GLP2R: variants seen among roughly 807,000 people sequenced by gnomAD.
GLP2R encodes the protein glucagon like peptide 2 receptor.
A neutral mutation model predicts 68.2 loss-of-function variants in GLP2R; 59 were observed. That is an observed-to-expected ratio of 0.87 (90% CI 0.70 to 1.07). The LOEUF is 1.07. GLP2R is among the 50% of genes least tolerant of loss of function. The pLI is 0.00. For synonymous variants in GLP2R, 270 were observed against 265.4 expected, an observed-to-expected ratio of 1.02 and a Z score of -0.17; for missense variants, 548 against 677.4, an observed-to-expected ratio of 0.81 and a Z score of 2.12.
At chr17:9,872,617 C>G (rs928462005) in intron 10 of GLP2R, among the ~76,000 whole-genome samples, 1 of 152,114 alleles carries the variant, frequency 6.6e-6, no homozygotes, top group African/African-American at 2.4e-5. Context: ...CGATGTAGAC[C>G]CTGCATTTGA....
intron 1 of GLP2R, among the ~76,000 whole-genome samples, chr17:9,832,874 G>A (rs1462674959): frequency 6.6e-6 from 1 of 152,186 alleles, no homozygotes; most frequent in Non-Finnish European, 1.5e-5. Context: ...AATAGTCAAC[G>A]TTAGAAAGGA....
intron 1 of GLP2R, 149 bp from the exon 2 acceptor site, chr17:9,833,658 A>G (rs1641267782): frequency 1.7e-6 from 1 of 597,252 alleles, no homozygotes; most frequent in African/African-American, 1.9e-5. Flanking sequence ...CTCTTAAGAT[A>G]GAACATAAGA....
At chr17:9,851,805 G>C (rs1472057846) in intron 4 of GLP2R, among the ~76,000 whole-genome samples, 2 of 151,694 alleles carry the variant, frequency 1.3e-5, no homozygotes, top group East Asian at 3.9e-4. Context: ...GTTCTAAAAA[G>C]AGAAATAAAT....
At chr17:9,844,594 A>T (rs1245498262) in intron 4 of GLP2R, among the ~76,000 whole-genome samples, 1 of 149,648 alleles carries the variant, frequency 6.7e-6, no homozygotes, top group Non-Finnish European at 1.5e-5. Context: ...GAGGAGACTT[A>T]AAAATGCCCC....
intron 1 of GLP2R, among the ~76,000 whole-genome samples, chr17:9,831,289 G>A (rs753996197): frequency 1.3e-5 from 2 of 152,072 alleles, no homozygotes; most frequent in African/African-American, 2.4e-5. Flanking sequence ...CTCATCCTCC[G>A]TCTCACAAGT....
chr17:9,872,899 G>A (rs537420342), intron 10 of GLP2R, among the ~76,000 whole-genome samples: 1 of 152,316 alleles, frequency 6.6e-6, no homozygotes, highest in East Asian at 1.9e-4. Flanking sequence ...AAACATACCC[G>A]GTTCAATAAT....
At chr17:9,876,621 C>T (rs112306666) in intron 10 of GLP2R, among the ~76,000 whole-genome samples, 5,229 of 152,250 alleles carry the variant, frequency 0.034, 144 homozygotes, top group South Asian at 0.087. Context: ...TCAGAAAATC[C>T]TTCCTAGGTT....
intron 9 of GLP2R, among the ~76,000 whole-genome samples, chr17:9,864,959 A>G (rs572852466): frequency 6.6e-6 from 1 of 152,294 alleles, no homozygotes; most frequent in Non-Finnish European, 1.5e-5. Context: ...ACAAGAGAAC[A>G]TGCTCTATCT....
chr17:9,889,555 T>C lies in GLP2R; in HGVS notation c.1512T>C (p.His504=), dbSNP rs17681708. 448,801 of 1,613,750 alleles carry C rather than the reference T, an allele frequency of 0.28. 69,445 individuals carry two copies. The highest frequency in any genetic ancestry group is 0.32 in the Non-Finnish European group (378,959 of 1,179,750). The change falls in exon 13 of 13, where the codon CAT becomes CAC. Residue 504 remains histidine (H), a synonymous_variant. Coordinates refer to ENST00000262441, the MANE Select transcript of GLP2R (RefSeq NM_004246.3). ...QPSLNSGRLL[H]LAMRGLGELG... ...CACTTAACAGTGGGCGGCTCCTACATCTAGCCATGCGAGGTCTTGGGGAGC... is the reference window on the plus strand; with the variant it reads ...CACTTAACAGTGGGCGGCTCCTACACCTAGCCATGCGAGGTCTTGGGGAGC...
chr17:9,833,860 G>A lies in GLP2R; in HGVS notation c.243G>A (p.Gln81=). 1 of 1,613,286 alleles carries A rather than the reference G, an allele frequency of 6.2e-7. No individual in the cohort carries two copies. The highest frequency in any genetic ancestry group is 1.3e-5 in the African/African-American group (1 of 74,998). The change falls in exon 2 of 13, where the codon CAG becomes CAA. Residue 81 remains glutamine (Q), a synonymous_variant. Coordinates refer to ENST00000262441, the MANE Select transcript of GLP2R (RefSeq NM_004246.3). ...CTCGGAAGTGGGCTCAGTACAAACA[G>A]GCATGTCTGAGAGACTTACTCAAGG... The part of the protein sequence containing the change: ...ETTRKWAQYK[Q]ACLRDLLKEP...
chr17:9,886,721 T>G (rs774427170), intron 11 of GLP2R, among the ~76,000 whole-genome samples: 6 of 152,174 alleles, frequency 3.9e-5, no homozygotes, highest in Non-Finnish European at 8.8e-5. Context: ...AGTGTGGAGA[T>G]CCTGGTCTGG....
intron 10 of GLP2R, among the ~76,000 whole-genome samples, chr17:9,872,912 G>A (rs1233554660): frequency 1.3e-5 from 2 of 152,190 alleles, no homozygotes; most frequent in African/African-American, 4.8e-5. Flanking sequence ...TCAATAATGG[G>A]CAGACATACT....
chr17:9,849,153 A>G (rs951772987), intron 4 of GLP2R, among the ~76,000 whole-genome samples: 1 of 151,750 alleles, frequency 6.6e-6, no homozygotes, highest in Non-Finnish European at 1.5e-5. Context: ...TTTTTCCAAC[A>G]TTTTATTTTG....
In GLP2R at chr17:9,881,672, TC is replaced by T. The variant is rs942543522; in HGVS notation, c.1284+1160del. ...TGGGATTACAGGCGTGAGCCACCGC[TC>T]CCCTGCCAGGCCTTTTAAATGCCTA... On this transcript the variant is annotated intron_variant, in intron 11 of 12. Transcript: ENST00000262441. 2.9e-4 allele frequency among the ~76,000 whole-genome samples: 40 copies of T among 136,328 alleles called. 1 individual carries two copies. The highest frequency in any genetic ancestry group is 4.6e-4 in the Non-Finnish European group (31 of 67,880). The allele number at this position is 136,328 out of a possible 152,430, so 89.4% of individuals were successfully genotyped here.
At chr17:9,884,041 T>G (rs1473170583) in intron 11 of GLP2R, among the ~76,000 whole-genome samples, 1 of 152,214 alleles carries the variant, frequency 6.6e-6, no homozygotes, top group African/African-American at 2.4e-5. Flanking sequence ...ATTGTATTTT[T>G]GGGCTTATAA....
chr17:9,847,029 G>A (rs1212279897), intron 4 of GLP2R, among the ~76,000 whole-genome samples: 1 of 152,240 alleles, frequency 6.6e-6, no homozygotes, highest in Non-Finnish European at 1.5e-5. Context: ...GTTAACACTT[G>A]CCAATTTTGG....
chr17:9,866,180 A>G lies in GLP2R; in HGVS notation c.1056+4090A>G, dbSNP rs188303890. On this transcript the variant is annotated intron_variant, in intron 9 of 12. Coordinates refer to ENST00000262441, the MANE Select transcript of GLP2R (RefSeq NM_004246.3). ...GCTAGGAGTCAGGAGCCTGGGCTCT[A>G]TGACTGACTTGTGATGTGTCCTTCA... is the stretch of plus-strand genomic sequence containing the variant. The G allele has an allele frequency of 1.3e-5, 4 of 304,734 alleles. No individual in the cohort carries two copies. In the East Asian group the frequency reaches 2.5e-4, roughly 19 times the overall value. 18.9% of individuals were successfully genotyped at this position (304,734 alleles called of 1,614,324 possible). A position where few individuals can be genotyped will look rare whatever the true frequency, so the allele number is the denominator to read the frequency against.
chr17:9,882,549 G>A (rs1413346000), intron 11 of GLP2R, among the ~76,000 whole-genome samples: 1 of 151,560 alleles, frequency 6.6e-6, no homozygotes, highest in African/African-American at 2.4e-5. Flanking sequence ...CACATACAGA[G>A]GAAACATGAG....
chr17:9,887,126 C>T (rs1390049227), intron 11 of GLP2R, among the ~76,000 whole-genome samples: 1 of 151,880 alleles, frequency 6.6e-6, no homozygotes, highest in East Asian at 1.9e-4. Context: ...AGTATTGTGG[C>T]GATGGTCATC....
Sources: allele counts gnomAD v4.1 joint callset (sites outside exome capture counted in the v4.1 genomes callset), GRCh38; gene constraint gnomAD v4.1.1; transcripts MANE v1.5; gene names NCBI Gene and HGNC (gene_info 2026-07-23, HGNC 2026-07-21).